BMPR1B: variants seen among roughly 807,000 people sequenced by gnomAD.
The protein encoded by BMPR1B is bone morphogenetic protein receptor type-1B.
A neutral mutation model predicts 59.1 loss-of-function variants in BMPR1B; 12 were observed. The observed-to-expected ratio is 0.20, with a 90% CI of 0.13 to 0.33. The LOEUF is 0.33. Ranked by LOEUF, BMPR1B falls within the 10% of genes least tolerant of loss-of-function variation. The pLI, the probability that BMPR1B is intolerant of heterozygous loss-of-function variation, is 1.00. For missense variants in BMPR1B, 550 were observed against 610.9 expected (o/e 0.90, Z 1.05); for synonymous variants, 237 against 207.3 (o/e 1.14, Z -1.23).
chr4:95,149,420 A>C (rs1579166301), intron 11 of BMPR1B, among the ~76,000 whole-genome samples: 1 of 152,180 alleles, frequency 6.6e-6, no homozygotes, highest in Admixed American at 6.5e-5. Context: ...TGAAAACATC[A>C]GTTTTTTATC....
chr4:94,948,374 A>G lies in BMPR1B; in HGVS notation c.-112-47666A>G, dbSNP rs78885527. On this transcript the variant is annotated intron_variant, in intron 2 of 12. Coordinates refer to ENST00000515059, the MANE Select transcript of BMPR1B (RefSeq NM_001203.3). ...AAGAAAGGCCAGAGTAGTACCAGAG[A>G]GAGCAAGGAGGCATTCATAGTTCTT... is the stretch of plus-strand genomic sequence containing the variant. 8.9e-4 allele frequency among the ~76,000 whole-genome samples: 135 copies of G among 152,342 alleles called. 1 individual carries two copies. Among genetic ancestry groups the G allele is most frequent in the African/African-American group, 3.0e-3 (125 of 41,584 alleles).
intron 2 of BMPR1B, among the ~76,000 whole-genome samples, chr4:94,923,205 G>A (rs146192782): frequency 1.6e-4 from 24 of 152,098 alleles, no homozygotes; most frequent in African/African-American, 5.5e-4. Context: ...TGTACATGAT[G>A]GTGAAGTTTT....
chr4:94,809,209 A>G (rs1723722660), intron 1 of BMPR1B, among the ~76,000 whole-genome samples: 1 of 152,210 alleles, frequency 6.6e-6, no homozygotes, highest in South Asian at 2.1e-4. Context: ...TGAGGAGGGC[A>G]TGATAGATAT....
intron 3 of BMPR1B, among the ~76,000 whole-genome samples, chr4:95,101,370 T>G (rs2149262020): frequency 6.6e-6 from 1 of 152,228 alleles, no homozygotes; most frequent in African/African-American, 2.4e-5. Context: ...TGTGTGTTGC[T>G]TTTACCCTTC....
At position 95,017,000 on chromosome 4, in the gene BMPR1B, T is replaced by C. The variant is rs1434396129; in HGVS notation, c.-18+20866T>C. 2.6e-5 allele frequency among the ~76,000 whole-genome samples: 4 copies of C among 152,202 alleles called. No individual in the cohort carries two copies. In the East Asian group the frequency reaches 5.8e-4, roughly 22 times the overall value. On this transcript the variant is annotated intron_variant, in intron 3 of 12. Transcript: ENST00000515059. ...GGAGAAAAGATTTATAGTTATTTTA[T>C]TTGCTCCTTCAGTTTCTTTTTCCAT... is the stretch of plus-strand genomic sequence containing the variant.
intron 2 of BMPR1B, among the ~76,000 whole-genome samples, chr4:94,947,645 C>T (rs1560561839): frequency 6.6e-6 from 1 of 152,198 alleles, no homozygotes; most frequent in Non-Finnish European, 1.5e-5. Flanking sequence ...GCTAGACAGA[C>T]AGGATTTTGG....
chr4:94,977,793 G>C (rs1015546596), intron 2 of BMPR1B, among the ~76,000 whole-genome samples: 18 of 152,162 alleles, frequency 1.2e-4, no homozygotes, highest in African/African-American at 4.3e-4. Context: ...GGTGGCGGAG[G>C]TTGTGGTGAG....
chr4:95,051,245 A>G (rs754645293), intron 3 of BMPR1B, among the ~76,000 whole-genome samples: 22 of 152,194 alleles, frequency 1.4e-4, no homozygotes, highest in Non-Finnish European at 1.5e-4. Flanking sequence ...TTCTTTTTAC[A>G]TTTCTCAGTT....
chr4:94,965,054 C>G (rs1730504606), intron 2 of BMPR1B, among the ~76,000 whole-genome samples: 1 of 152,116 alleles, frequency 6.6e-6, no homozygotes, highest in African/African-American at 2.4e-5. Flanking sequence ...TTGTCCACAG[C>G]ACATAAACTA....
At chr4:94,924,379 C>A (rs542460302) in intron 2 of BMPR1B, among the ~76,000 whole-genome samples, 11 of 152,012 alleles carry the variant, frequency 7.2e-5, no homozygotes, top group Non-Finnish European at 4.4e-5. Flanking sequence ...AGTTGGAGAA[C>A]CTATTAGGAT....
chr4:95,112,791 C>A (rs575383041), intron 4 of BMPR1B, among the ~76,000 whole-genome samples: 1 of 152,176 alleles, frequency 6.6e-6, no homozygotes, highest in East Asian at 1.9e-4. Context: ...GACATCATAG[C>A]AGTAACTTGA....
chr4:95,069,340 C>T (rs536102406), intron 3 of BMPR1B, among the ~76,000 whole-genome samples: 1 of 152,176 alleles, frequency 6.6e-6, no homozygotes, highest in Non-Finnish European at 1.5e-5. Flanking sequence ...ATCTGTTCCC[C>T]ATTTCTTGTC....
At chr4:94,828,276 A>T (rs1046610217) in intron 1 of BMPR1B, among the ~76,000 whole-genome samples, 4 of 152,210 alleles carry the variant, frequency 2.6e-5, no homozygotes, top group African/African-American at 9.7e-5. Flanking sequence ...GAGATACATG[A>T]TTGAGTGAAC....
intron 2 of BMPR1B, among the ~76,000 whole-genome samples, chr4:94,985,751 T>C (rs1459517245): frequency 6.6e-6 from 1 of 152,204 alleles, no homozygotes; most frequent in Non-Finnish European, 1.5e-5. Context: ...TATATTTCTT[T>C]CGAACATTCA....
chr4:95,088,626 A>G (rs1729762326), intron 3 of BMPR1B, among the ~76,000 whole-genome samples: 1 of 152,144 alleles, frequency 6.6e-6, no homozygotes, highest in Non-Finnish European at 1.5e-5. Context: ...CCACTAGGAA[A>G]TATTTGTATT....
At chr4:95,026,098 A>ATTTTCTTTCTTTCTTTC (rs1553928440) in intron 3 of BMPR1B, among the ~76,000 whole-genome samples, 1 of 101,622 alleles carries the variant, frequency 9.8e-6, no homozygotes, top group South Asian at 3.8e-4. Flanking sequence ...GCTTTCTTTC[A>ATTTTCTTTCTTTCTTTC]TTTCTTTCTT....
At chr4:94,792,939 TTAGA>T (rs1172630989) in intron 1 of BMPR1B, among the ~76,000 whole-genome samples, 4 of 152,190 alleles carry the variant, frequency 2.6e-5, no homozygotes, top group Admixed American at 2.0e-4. Flanking sequence ...ACGGCAGTGT[TTAGA>T]TAGTCAGAAA....
Position 94,920,247 on chromosome 4 carries a change from TC to T in BMPR1B, c.-113+44348del, listed in dbSNP as rs529667013. Among the ~76,000 whole-genome samples the T allele has an allele frequency of 7.4e-4, 112 of 152,352 alleles. 2 individuals are homozygous for T. The highest frequency in any genetic ancestry group is 3.4e-3 in the Middle Eastern group (1 of 294). ...TTCCCATATGCAAGGAAATCTCTCT[TC>T]ATACAGAACAGTTATTTCAATTTCT... On this transcript the variant is annotated intron_variant, in intron 2 of 12. Transcript: ENST00000515059.
intron 10 of BMPR1B, among the ~76,000 whole-genome samples, chr4:95,141,791 C>T (rs1734247539): frequency 6.6e-6 from 1 of 152,072 alleles, no homozygotes; most frequent in Admixed American, 6.5e-5. Flanking sequence ...TTAGGGCTCT[C>T]TGGTATTAAA....
Sources: gnomAD v4.1 joint callset for allele counts (sites outside exome capture counted in the v4.1 genomes callset) on GRCh38, gnomAD v4.1.1 for gene constraint, MANE v1.5 for transcripts, NCBI Gene and HGNC (gene_info 2026-07-23, HGNC 2026-07-21) for gene names.